GABRR2: variants seen among roughly 807,000 people sequenced by gnomAD.
The protein encoded by GABRR2 is gamma-aminobutyric acid type A receptor subunit rho2, also known as gamma-aminobutyric acid receptor subunit rho-2.
A neutral mutation model predicts 47.0 loss-of-function variants in GABRR2; 36 were observed. That is an observed-to-expected ratio of 0.77 (90% CI 0.59 to 1.01). GABRR2 has a LOEUF of 1.01. Ranked by LOEUF, GABRR2 falls within the 50% of genes least tolerant of loss-of-function variation. The pLI is 0.00. For missense variants in GABRR2, 587 were observed against 594.6 expected (o/e 0.99, Z 0.13); for synonymous variants, 204 against 227.5 (o/e 0.90, Z 0.93).
At position 89,256,532 on chromosome 6, in the gene GABRR2, C is replaced by T. The variant is rs924552049; in HGVS notation, c.*1138G>A. On this transcript the variant is annotated 3_prime_UTR_variant, in exon 9 of 9. Coordinates refer to ENST00000402938, the MANE Select transcript of GABRR2 (RefSeq NM_002043.5). ...TAAAGGACTAACCTTTACTAGGAAG[C>T]AACCTCTATGCCCTTGGAATGTCCT... 6.6e-6 allele frequency among the ~76,000 whole-genome samples: 1 copy of T among 152,128 alleles called. No homozygotes were observed. The highest frequency in any genetic ancestry group is 2.4e-5 in the African/African-American group (1 of 41,412).
chr6:89,299,808 C>T lies in GABRR2; in HGVS notation c.171G>A (p.Gln57=). 1 of 1,614,006 alleles carries T rather than the reference C, an allele frequency of 6.2e-7. No individual in the cohort carries two copies. The highest frequency in any genetic ancestry group is 1.3e-5 in the African/African-American group (1 of 75,060). Residue 57 remains glutamine (Q), a synonymous_variant, in exon 2 of 9, where the codon CAG becomes CAA. Transcript: ENST00000402938. Reference sequence around the variant, plus strand: ...AGTCGTGCTCGTCCACTCTGAGAAGCTGCTGAGGCTTTCCCTTCCGGATCT... The same window carrying T: ...AGTCGTGCTCGTCCACTCTGAGAAGTTGCTGAGGCTTTCCCTTCCGGATCT... ...VTKIRKGKPQ[Q]LLRVDEHDFS...
At chr6:89,296,181 C>T (rs1774550044) in intron 2 of GABRR2, among the ~76,000 whole-genome samples, 4 of 152,356 alleles carry the variant, frequency 2.6e-5, no homozygotes, top group Admixed American at 2.0e-4. Flanking sequence ...GAAATGGGGA[C>T]ACCCAGGAGC....
chr6:89,262,980 C>T (rs73752716), intron 8 of GABRR2, among the ~76,000 whole-genome samples: 314 of 152,360 alleles, frequency 2.1e-3, no homozygotes, highest in African/African-American at 7.2e-3. Context: ...AAAAGACTGC[C>T]TCCCTGTGCC....
chr6:89,305,877 A>G (rs1052526034), intron 1 of GABRR2, among the ~76,000 whole-genome samples: 1 of 152,114 alleles, frequency 6.6e-6, no homozygotes, highest in Non-Finnish European at 1.5e-5. Flanking sequence ...TGTCAAAATC[A>G]TCTGTACAAC....
At chr6:89,285,657 G>A (rs1774322020) in intron 2 of GABRR2, among the ~76,000 whole-genome samples, 1 of 152,084 alleles carries the variant, frequency 6.6e-6, no homozygotes, top group African/African-American at 2.4e-5. Flanking sequence ...GGTGGGTGAT[G>A]CTGATCCACA....
intron 3 of GABRR2, 160 bp from the exon 4 acceptor site, chr6:89,269,394 G>A (rs137970166): frequency 0.012 from 7,372 of 626,062 alleles, 81 homozygotes; most frequent in Non-Finnish European, 0.014. Flanking sequence ...TGTGCAGTTG[G>A]AAAGAGAATA....
At chr6:89,308,218 A>G (rs1767605394) in intron 1 of GABRR2, among the ~76,000 whole-genome samples, 1 of 152,216 alleles carries the variant, frequency 6.6e-6, no homozygotes, top group Non-Finnish European at 1.5e-5. Context: ...GCATCCTCTT[A>G]TGAAATCCTT....
chr6:89,267,642 T>C, intron 6 of GABRR2, 37 bp downstream of exon 6: 3 of 1,577,372 alleles, frequency 1.9e-6, no homozygotes, highest in Non-Finnish European at 2.6e-6. Context: ...TGTGCTTTCT[T>C]GCACATTTGA....
At position 89,264,426 on chromosome 6, in the gene GABRR2, T is replaced by C; in HGVS notation, c.1072A>G (p.Lys358Glu). The C allele has an allele frequency of 6.2e-7, 1 of 1,613,692 alleles. No homozygotes were observed. Among genetic ancestry groups the C allele is most frequent in the Non-Finnish European group, 8.5e-7 (1 of 1,179,794 alleles). The change falls in exon 8 of 9, where the codon AAG (lysine) becomes GAG (glutamate). Residue 358 changes from lysine to glutamate, a missense_variant. Transcript: ENST00000402938. ...LTTVQERKER[K>E]LREKFPCMCG... ...AGCCCTCTCACCTTCTCCCGCAGCT[T>C]CCGTTCCTTGCGCTCCTGCACGGTG... is the stretch of plus-strand genomic sequence containing the variant.
intron 2 of GABRR2, among the ~76,000 whole-genome samples, chr6:89,275,906 T>C (rs1268296817): frequency 6.6e-6 from 1 of 152,114 alleles, no homozygotes; most frequent in Non-Finnish European, 1.5e-5. Context: ...CGAACACGGA[T>C]TAAAGCTCTC....
chr6:89,267,608 G>A (rs1048820727), intron 6 of GABRR2, 71 bp downstream of exon 6: 2 of 1,433,662 alleles, frequency 1.4e-6, no homozygotes, highest in Admixed American at 2.0e-5. Context: ...TTTTCCTGGG[G>A]TTAAGGCTGA....
At chr6:89,301,781 G>C in intron 1 of GABRR2, 1 of 776,812 alleles carries the variant, frequency 1.3e-6, no homozygotes, top group Admixed American at 1.9e-5. Context: ...GACACGCCCA[G>C]TATGAGGGAG....
rs1016634054 is a variant in GABRR2, at chr6:89,283,855, T to C, written c.221-12133A>G. ...AGAGTCTATTGAAGGGCATGGATTATTGATCTTGTAAAAATTAAAAACTTT... is the reference window on the plus strand; with the variant it reads ...AGAGTCTATTGAAGGGCATGGATTACTGATCTTGTAAAAATTAAAAACTTT... On this transcript the variant is annotated intron_variant, in intron 2 of 8. Transcript: ENST00000402938. Among the ~76,000 whole-genome samples, 10 of 152,304 alleles carry C rather than the reference T, an allele frequency of 6.6e-5. 1 individual carries two copies. The South Asian group carries it at 1.0e-3, about 16-fold the overall frequency.
intron 2 of GABRR2, among the ~76,000 whole-genome samples, chr6:89,286,557 A>G (rs929192855): frequency 3.3e-5 from 5 of 152,146 alleles, no homozygotes; most frequent in African/African-American, 1.2e-4. Context: ...TTATACCTCA[A>G]AGCAGAAAAC....
At chr6:89,311,397 G>GT (rs1384322074) in intron 1 of GABRR2, among the ~76,000 whole-genome samples, 3 of 152,252 alleles carry the variant, frequency 2.0e-5, no homozygotes, top group East Asian at 1.9e-4. Flanking sequence ...AGGGCCCAGA[G>GT]TTTTTTTAAG....
At chr6:89,300,881 T>C (rs1767411906) in intron 1 of GABRR2, among the ~76,000 whole-genome samples, 1 of 151,974 alleles carries the variant, frequency 6.6e-6, no homozygotes, top group Non-Finnish European at 1.5e-5. Context: ...CCCCAGTTCA[T>C]TCTATGAGGC....
rs776052322 is a variant in GABRR2, at chr6:89,310,190, T to TC, written c.113+4862dup. Among the ~76,000 whole-genome samples, 152 of 151,846 alleles carry TC rather than the reference T, an allele frequency of 1.0e-3. 1 individual carries two copies. Among genetic ancestry groups the TC allele is most frequent in the South Asian group, 2.3e-3 (11 of 4,796 alleles). Reference sequence around the variant, plus strand: ...TGTTCCACCTAAAAAAAAATTTATTTCCCCCCCAGTAAATAATTAACTCTT... The same window carrying TC: ...TGTTCCACCTAAAAAAAAATTTATTTCCCCCCCCAGTAAATAATTAACTCTT... On this transcript the variant is annotated intron_variant, in intron 1 of 8. Transcript: ENST00000402938.
At position 89,315,297 on chromosome 6, in the gene GABRR2, G is replaced by A; in HGVS notation, c.-132C>T. On this transcript the variant is annotated 5_prime_UTR_variant, in exon 1 of 9. Transcript: ENST00000402938. Reference sequence around the variant, plus strand: ...CTGAGGGGCTGTGAGGGCAAGGCTGGCCAGGCTAGTTGTCCCGATTTACTA... The same window carrying A: ...CTGAGGGGCTGTGAGGGCAAGGCTGACCAGGCTAGTTGTCCCGATTTACTA... 1.9e-6 allele frequency: 3 copies of A among 1,551,080 alleles called. No individual in the cohort carries two copies. The highest frequency in any genetic ancestry group is 1.2e-5 in the South Asian group (1 of 81,864).
intron 3 of GABRR2, among the ~76,000 whole-genome samples, 197 bp downstream of exon 3, chr6:89,271,458 C>A (rs950715249): frequency 4.6e-5 from 7 of 152,222 alleles, no homozygotes; most frequent in Non-Finnish European, 7.3e-5. Flanking sequence ...CAGAAACCCA[C>A]ATTTAACCAA....
Sources: allele counts gnomAD v4.1 joint callset (sites outside exome capture counted in the v4.1 genomes callset), GRCh38; gene constraint gnomAD v4.1.1; transcripts MANE v1.5; gene names NCBI Gene and HGNC (gene_info 2026-07-23, HGNC 2026-07-21).